Variants in ITGAM observed in about 807,000 individuals in gnomAD.
ITGAM encodes the protein integrin subunit alpha M, also known as integrin alpha-M.
Under a neutral mutation model 137.5 loss-of-function variants are expected in ITGAM, and 79 were observed. That is an observed-to-expected ratio of 0.57 (90% CI 0.48 to 0.69). The LOEUF (loss-of-function observed/expected upper bound fraction) is 0.69. Among genes scored for constraint, ITGAM ranks in the 30% least tolerant of loss-of-function variants. The pLI is 0.00. For synonymous variants in ITGAM, 583 were observed against 592.3 expected, an observed-to-expected ratio of 0.98 and a Z score of 0.23; for missense variants, 1,343 against 1,483.5, an observed-to-expected ratio of 0.91 and a Z score of 1.56.
chr16:31,328,305 A>T, intron 23 of ITGAM, 75 bp downstream of exon 23: 2 of 1,103,140 alleles, frequency 1.8e-6, no homozygotes, highest in Non-Finnish European at 1.4e-6. Context: ...TGTGTGCATG[A>T]GTCTGTGCAT....
rs2080477966 is a variant in ITGAM at position 31,324,045 on chromosome 16, G to A, written c.2003-354G>A. 7.0e-6 allele frequency among the ~76,000 whole-genome samples: 1 copy of A among 143,210 alleles called. No individual in the cohort carries two copies. Among genetic ancestry groups the A allele is most frequent in the Admixed American group, 7.5e-5 (1 of 13,420 alleles). 94.0% of individuals were successfully genotyped at this position (143,210 alleles called of 152,430 possible). On this transcript the variant is annotated intron_variant, in intron 16 of 29. Coordinates refer to ENST00000544665, the MANE Select transcript of ITGAM (RefSeq NM_000632.4). This position sits in a 1 kb window ranked among gnomAD's most constrained non-coding sequence, Gnocchi z 4.5. ...AAAATAAAAAATAAAAAGAAAGGAA[G>A]GAAGGAAGAAGGGAAGGAAGGAAAG...
Position 31,325,266 on chromosome 16 carries a change from G to A in ITGAM, c.2367G>A (p.Leu789=). The A allele has an allele frequency of 6.2e-7, 1 of 1,611,048 alleles. No individual in the cohort carries two copies. The highest frequency in any genetic ancestry group is 1.1e-5 in the South Asian group (1 of 90,700). The stretch of plus-strand genomic sequence containing the variant: ...GCCTGTCTTCTTCTTCCCACAGCCT[G>A]GACTGCCTCGTGGTGGGTGGGCCCC... ...DLSITFSFMS[L]DCLVVGGPRE... Residue 789 remains leucine, a synonymous_variant, in exon 20 of 30, where the codon CTG becomes CTA. Transcript: ENST00000544665.
intron 25 of ITGAM, 42 bp from the exon 26 acceptor site, chr16:31,330,039 C>A (rs776411708): frequency 2.5e-6 from 4 of 1,588,246 alleles, no homozygotes; most frequent in Admixed American, 1.7e-5. Context: ...GAGGCCCTGG[C>A]GCCTTCATCT....
chr16:31,284,395 G>A lies in ITGAM; in HGVS notation c.1356+6286G>A, dbSNP rs563305841. Among the ~76,000 whole-genome samples the A allele has an allele frequency of 6.6e-5, 10 of 152,266 alleles. No homozygotes were observed. The South Asian group carries it at 8.3e-4, about 13-fold the overall frequency. ...TCCACCCAGTTCGAACTTCCTGGCC[G>A]CTTTGTTTACCTACTCAAGCCTCAG... On this transcript the variant is annotated intron_variant, in intron 12 of 29. Coordinates refer to ENST00000544665, the MANE Select transcript of ITGAM (RefSeq NM_000632.4).
At chr16:31,329,531 A>G (rs2080553193) in intron 24 of ITGAM, among the ~76,000 whole-genome samples, 1 of 152,142 alleles carries the variant, frequency 6.6e-6, no homozygotes, top group Admixed American at 6.5e-5. Context: ...GGGCACTGTC[A>G]TGATCCCCAG....
chr16:31,302,458 C>CCTTTCTTT (rs143099983), intron 14 of ITGAM, among the ~76,000 whole-genome samples: 10 of 111,994 alleles, frequency 8.9e-5, no homozygotes, highest in South Asian at 2.5e-4. Context: ...TTTCTTCCTT[C>CCTTTCTTT]CTTTCTTTCT....
At chr16:31,330,686 A>G in intron 28 of ITGAM, 81 bp downstream of exon 28, 2 of 976,152 alleles carry the variant, frequency 2.0e-6, no homozygotes, top group South Asian at 1.6e-5. Flanking sequence ...AGAGAGAGAC[A>G]CAAAGAGAGA....
At chr16:31,273,090 G>A (rs2079869149) in intron 7 of ITGAM, among the ~76,000 whole-genome samples, 1 of 152,016 alleles carries the variant, frequency 6.6e-6, no homozygotes. Flanking sequence ...CTTGAGGCCA[G>A]GAGTTTGAGA....
chr16:31,304,662 C>T (rs2080248234), intron 14 of ITGAM, among the ~76,000 whole-genome samples: 1 of 152,136 alleles, frequency 6.6e-6, no homozygotes, highest in Non-Finnish European at 1.5e-5. Flanking sequence ...GATCCAGTTT[C>T]ATTCTTCTAC....
At position 31,276,693 on chromosome 16, in the gene ITGAM, C is replaced by T. The variant is rs778809073; in HGVS notation, c.1032C>T (p.Ser344=). Reference sequence around the variant, plus strand: ...CAGGTACTCAGACAGGAAGTAGCAGCTCCTTTGAGCATGAGATGTCTCAGG... The same window carrying T: ...CAGGTACTCAGACAGGAAGTAGCAGTTCCTTTGAGCATGAGATGTCTCAGG... ...AIEGTQTGSS[S]SFEHEMSQEG... is the part of the protein sequence containing the mutation. Residue 344 remains serine, a synonymous_variant, in exon 10 of 30, where the codon AGC becomes AGT. Coordinates refer to ENST00000544665, the MANE Select transcript of ITGAM (RefSeq NM_000632.4). The T allele has an allele frequency of 3.7e-6, 6 of 1,611,932 alleles. No individual in the cohort carries two copies. In the South Asian group the frequency reaches 4.4e-5, roughly 12 times the overall value.
rs150193459 is a variant in ITGAM at position 31,283,831 on chromosome 16, G to T, written c.1356+5722G>T. Among the ~76,000 whole-genome samples, 7 of 152,308 alleles carry T rather than the reference G, an allele frequency of 4.6e-5. No individual in the cohort carries two copies. In the East Asian group the frequency reaches 1.2e-3, roughly 25 times the overall value. On this transcript the variant is annotated intron_variant, in intron 12 of 29. Coordinates refer to ENST00000544665, the MANE Select transcript of ITGAM (RefSeq NM_000632.4). ...GATTTTTAAAATTTTCAGCTTTTCTGCTCTGGTTTCTCCCCATCTTTGTGG... is the reference window on the plus strand; with the variant it reads ...GATTTTTAAAATTTTCAGCTTTTCTTCTCTGGTTTCTCCCCATCTTTGTGG...
At chr16:31,323,951 T>A (rs1024791962) in intron 16 of ITGAM, among the ~76,000 whole-genome samples, 1 of 151,980 alleles carries the variant, frequency 6.6e-6, no homozygotes, top group Non-Finnish European at 1.5e-5. Context: ...AGGCAGAGGT[T>A]GCAGTGAGCT....
intron 20 of ITGAM, 41 bp from the exon 21 acceptor site, chr16:31,325,459 C>G: frequency 6.2e-7 from 1 of 1,613,256 alleles, no homozygotes; most frequent in Non-Finnish European, 8.5e-7. Flanking sequence ...TCCTCACGGC[C>G]GGAGGTGGAT....
chr16:31,295,296 T>A (rs1208049874), intron 12 of ITGAM, among the ~76,000 whole-genome samples: 2 of 152,176 alleles, frequency 1.3e-5, no homozygotes, highest in Non-Finnish European at 2.9e-5. Flanking sequence ...TTGTACTGAA[T>A]CAGAAGATTG....
intron 12 of ITGAM, among the ~76,000 whole-genome samples, chr16:31,282,782 G>T (rs898894582): frequency 5.3e-5 from 8 of 152,128 alleles, no homozygotes; most frequent in African/African-American, 1.9e-4. Context: ...TGGTTATTTT[G>T]CTCGTTAGTT....
At chr16:31,323,052 G>A (rs2080466460) in intron 16 of ITGAM, among the ~76,000 whole-genome samples, 1 of 151,594 alleles carries the variant, frequency 6.6e-6, no homozygotes, top group Non-Finnish European at 1.5e-5. Flanking sequence ...GAGAGAGAGA[G>A]AAAGAAAATA....
At chr16:31,330,849 A>C (rs1025300999) in intron 28 of ITGAM, among the ~76,000 whole-genome samples, 1 of 140,846 alleles carries the variant, frequency 7.1e-6, no homozygotes, top group African/African-American at 2.8e-5. Flanking sequence ...ATAGAGATAG[A>C]GACAGAGACA....
chr16:31,324,639 G>C lies in ITGAM; in HGVS notation c.2158-12G>C, dbSNP rs898556132. On this transcript the variant is annotated splice_polypyrimidine_tract_variant and intron_variant, in intron 17 of 29. Transcript: ENST00000544665. The surrounding 1 kb of genome is among the most constrained non-coding windows in gnomAD (Gnocchi z 4.5). ...GAGGAGGGCAGATCCCCAAATCCCG[G>C]CTATCTCTTAGAATTGCATCGAGGA... 1.2e-6 allele frequency: 2 copies of C among 1,605,596 alleles called. No homozygotes were observed. The highest frequency in any genetic ancestry group is 1.7e-6 in the Non-Finnish European group (2 of 1,174,964).
chr16:31,305,217 GCT>G (rs2080253253), intron 14 of ITGAM, among the ~76,000 whole-genome samples: 2 of 152,004 alleles, frequency 1.3e-5, no homozygotes, highest in Admixed American at 6.6e-5. Flanking sequence ...TATTTTTGTA[GCT>G]GTTATAAAAG....
Sources: gnomAD v4.1 joint callset for allele counts (sites outside exome capture counted in the v4.1 genomes callset) on GRCh38, gnomAD v4.1.1 for gene constraint, Gnocchi (gnomAD v3.1) non-coding constraint, MANE v1.5 for transcripts, NCBI Gene and HGNC (gene_info 2026-07-23, HGNC 2026-07-21) for gene names.